NEBL: variants seen among roughly 807,000 people sequenced by gnomAD.
NEBL encodes the protein LIM and SH3 protein 2.
A neutral mutation model predicts 140.2 loss-of-function variants in NEBL; 122 were observed. The ratio of observed to expected loss-of-function variants is 0.87; its 90% confidence interval spans 0.75 to 1.01. The LOEUF is 1.01. NEBL is among the 50% of genes least tolerant of loss of function. NEBL has a pLI of 0.00. For missense variants in NEBL, 1,365 were observed against 1,231.3 expected (o/e 1.11, Z -1.62); for synonymous variants, 436 against 398.9 (o/e 1.09, Z -1.11).
At chr10:21,255,825 A>G (rs200488215) in intron 1 of NEBL, among the ~76,000 whole-genome samples, 213 of 151,908 alleles carry the variant, frequency 1.4e-3, no homozygotes, top group East Asian at 1.6e-3. Flanking sequence ...GTGAAACCCC[A>G]TCTCTACTAA....
chr10:21,211,862 G>A (rs1208717998), intron 3 of NEBL, among the ~76,000 whole-genome samples: 1 of 152,132 alleles, frequency 6.6e-6, no homozygotes, highest in Non-Finnish European at 1.5e-5. Context: ...ATGGTAATTG[G>A]AGAAGCACAG....
At chr10:21,121,071 G>A (rs1024441599) in intron 2 of NEBL, among the ~76,000 whole-genome samples, 2 of 152,134 alleles carry the variant, frequency 1.3e-5, no homozygotes, top group African/African-American at 4.8e-5. Context: ...GGTCCTGACT[G>A]AAAACCCCAG....
intron 3 of NEBL, among the ~76,000 whole-genome samples, chr10:20,988,183 G>A (rs1837327213): frequency 1.3e-5 from 2 of 152,132 alleles, no homozygotes; most frequent in Admixed American, 1.3e-4. Flanking sequence ...GTGTGGTACA[G>A]AAAAACACAT....
At chr10:21,036,488 A>T (rs192226253) in intron 2 of NEBL, among the ~76,000 whole-genome samples, 13 of 152,274 alleles carry the variant, frequency 8.5e-5, no homozygotes, top group African/African-American at 3.1e-4. Flanking sequence ...GAATAAAAGC[A>T]TTGACAGTAG....
At chr10:20,997,471 TAAAAAAAAAAAAAAAAAAAAAAAAAAAAA>T (rs55712388) in intron 3 of NEBL, among the ~76,000 whole-genome samples, 15 of 25,166 alleles carry the variant, frequency 6.0e-4, no homozygotes, top group Non-Finnish European at 1.1e-3. Flanking sequence ...ACAGTCTCAG[TAAAAAAAAAAAAAAAAAAAAAAAAAAAAA>T]AAAAAAAAAA....
At chr10:21,013,756 T>A (rs1838445957) in intron 3 of NEBL, among the ~76,000 whole-genome samples, 1 of 152,160 alleles carries the variant, frequency 6.6e-6, no homozygotes, top group East Asian at 1.9e-4. Flanking sequence ...TGCGCACCTA[T>A]AATCCCATCT....
chr10:21,130,179 G>A (rs1839037041), intron 2 of NEBL, among the ~76,000 whole-genome samples: 1 of 151,914 alleles, frequency 6.6e-6, no homozygotes, highest in African/African-American at 2.4e-5. Flanking sequence ...AATAATAAAG[G>A]GGTCAATTCT....
chr10:21,085,504 G>T (rs1465622402), intron 2 of NEBL, among the ~76,000 whole-genome samples: 2 of 152,224 alleles, frequency 1.3e-5, no homozygotes, highest in East Asian at 3.9e-4. Flanking sequence ...GCATAGTGGT[G>T]CACACCGATG....
chr10:20,880,568 A>G (rs1259937185), intron 5 of NEBL, among the ~76,000 whole-genome samples: 3 of 152,232 alleles, frequency 2.0e-5, no homozygotes, highest in Admixed American at 6.5e-5. Flanking sequence ...TGTCTTGTAC[A>G]AAGCAAAATT....
intron 9 of NEBL, among the ~76,000 whole-genome samples, chr10:20,853,672 C>T (rs1161119220): frequency 6.6e-6 from 1 of 152,122 alleles, no homozygotes. Context: ...CCTATAGCCC[C>T]AGCTACTCGG....
chr10:21,280,481 G>A lies in NEBL; in HGVS notation n.182+12349C>T, dbSNP rs191037673. ...AGAGATACAAAAGGCAGATAGGAAG[G>A]TGGGAGGTTGTATTGGGGGTGACTG... On this transcript the variant is annotated intron_variant and non_coding_transcript_variant, in intron 1 of 8. Transcript: ENST00000675702. 1.2e-3 allele frequency among the ~76,000 whole-genome samples: 183 copies of A among 152,288 alleles called. 1 individual carries two copies. The highest frequency in any genetic ancestry group is 1.5e-3 in the Non-Finnish European group (105 of 68,016).
intron 2 of NEBL, among the ~76,000 whole-genome samples, chr10:21,080,295 C>G (rs1836305145): frequency 6.6e-6 from 1 of 152,210 alleles, no homozygotes; most frequent in Admixed American, 6.5e-5. Flanking sequence ...CTGCTCAAAA[C>G]TCTGTGAAAA....
At chr10:21,286,722 T>C (rs1348026533) in intron 1 of NEBL, among the ~76,000 whole-genome samples, 7 of 152,036 alleles carry the variant, frequency 4.6e-5, no homozygotes, top group African/African-American at 1.7e-4. Context: ...TAGTCCCAGT[T>C]ACTCGGGAGG....
intron 14 of NEBL, among the ~76,000 whole-genome samples, chr10:20,832,811 C>T (rs1588720568): frequency 6.6e-6 from 1 of 152,072 alleles, no homozygotes; most frequent in South Asian, 2.1e-4. Context: ...ACTCATAATC[C>T]TTCCTGTTTT....
At chr10:21,090,729 C>T (rs947926870) in intron 2 of NEBL, among the ~76,000 whole-genome samples, 1 of 152,174 alleles carries the variant, frequency 6.6e-6, no homozygotes, top group African/African-American at 2.4e-5. Flanking sequence ...GCCGCCCTAT[C>T]GCCACCTGGT....
chr10:20,858,560 T>C (rs1843338576), intron 8 of NEBL, among the ~76,000 whole-genome samples: 1 of 152,228 alleles, frequency 6.6e-6, no homozygotes, highest in Non-Finnish European at 1.5e-5. Context: ...ATTCCTTTTG[T>C]TGTTCACATA....
intron 4 of NEBL, among the ~76,000 whole-genome samples, chr10:20,929,942 G>C (rs964487011): frequency 3.3e-5 from 5 of 152,004 alleles, no homozygotes; most frequent in African/African-American, 1.2e-4. Context: ...AAAAATTGAG[G>C]TTAGAGAGCT....
At chr10:21,060,201 A>C (rs1187857608) in intron 2 of NEBL, among the ~76,000 whole-genome samples, 1 of 152,236 alleles carries the variant, frequency 6.6e-6, no homozygotes, top group Non-Finnish European at 1.5e-5. Context: ...TAAGCCTCTC[A>C]GTGTAAAGCA....
At chr10:21,174,704 C>G (rs1016132348), upstream of NEBL, 1 of 152,208 alleles carries the variant, frequency 6.6e-6, no homozygotes, top group Non-Finnish European at 1.5e-5. Flanking sequence ...CCAGAGGGGC[C>G]GAGGGTTGCA....
Sources: gnomAD v4.1 joint callset for allele counts (sites outside exome capture counted in the v4.1 genomes callset) on GRCh38, gnomAD v4.1.1 for gene constraint, MANE v1.5 for transcripts, NCBI Gene and HGNC (gene_info 2026-07-23, HGNC 2026-07-21) for gene names.